Variants in RAB27A observed in about 807,000 individuals in gnomAD.
RAB27A encodes RAB27A, member RAS oncogene family, also known as ras-related protein Rab-27A.
RAB27A carries 17 observed loss-of-function variants against 20.8 expected under a neutral mutation model. That is an observed-to-expected ratio of 0.82 (90% CI 0.56 to 1.23). The LOEUF (loss-of-function observed/expected upper bound fraction) is 1.23, where lower values mean the gene tolerates loss of function less well. Ranked by LOEUF, RAB27A falls within the 50% of genes most tolerant of loss-of-function variation. The pLI is 0.00. For missense variants in RAB27A, 277 were observed against 266.7 expected (o/e 1.04, Z -0.27); for synonymous variants, 85 against 92.8 (o/e 0.92, Z 0.48).
At chr15:55,307,967 G>C (rs1169997097) in intron 2 of RAB27A, among the ~76,000 whole-genome samples, 1 of 152,062 alleles carries the variant, frequency 6.6e-6, no homozygotes, top group East Asian at 1.9e-4. Context: ...TTAGCTGCCA[G>C]CAAAAGTATT....
At chr15:55,239,429 C>G (rs909098244) in intron 2 of RAB27A, among the ~76,000 whole-genome samples, 6 of 152,144 alleles carry the variant, frequency 3.9e-5, no homozygotes, top group Non-Finnish European at 5.9e-5. Flanking sequence ...TTTTAAATTA[C>G]CTCATTTGTA....
intron 2 of RAB27A, chr15:55,260,130 T>C (rs1380078233): frequency 2.0e-5 from 3 of 152,236 alleles, no homozygotes; most frequent in Non-Finnish European, 2.9e-5. Flanking sequence ...CCTTTAAAAA[T>C]ATTCTCAAAT....
chr15:55,316,818 G>C (rs1442966176), intron 1 of RAB27A, among the ~76,000 whole-genome samples: 1 of 152,080 alleles, frequency 6.6e-6, no homozygotes, highest in Non-Finnish European at 1.5e-5. Flanking sequence ...ACCTCAATTT[G>C]ATCTGAGCCA....
At chr15:55,309,544 A>T (rs1166617179) in intron 2 of RAB27A, among the ~76,000 whole-genome samples, 1 of 152,248 alleles carries the variant, frequency 6.6e-6, no homozygotes, top group Non-Finnish European at 1.5e-5. Context: ...GATGGGAGCT[A>T]TCCCTGAACC....
At chr15:55,263,142 C>T (rs989645039) in intron 2 of RAB27A, among the ~76,000 whole-genome samples, 1 of 152,038 alleles carries the variant, frequency 6.6e-6, no homozygotes, top group African/African-American at 2.4e-5. Flanking sequence ...GGTTTCTGCT[C>T]TTTTCTCATA....
chr15:55,250,161 A>T (rs924691118), intron 2 of RAB27A, among the ~76,000 whole-genome samples: 5 of 152,034 alleles, frequency 3.3e-5, no homozygotes, highest in Admixed American at 6.5e-5. Flanking sequence ...ATGGCGTTTC[A>T]CTATGTTGGC....
chr15:55,214,366 G>T (rs1895179186), intron 6 of RAB27A, among the ~76,000 whole-genome samples: 1 of 152,194 alleles, frequency 6.6e-6, no homozygotes, highest in African/African-American at 2.4e-5. Flanking sequence ...AACCCAGGAG[G>T]TGGAGCTTGC....
intron 2 of RAB27A, among the ~76,000 whole-genome samples, chr15:55,236,566 C>A (rs1265674750): frequency 2.0e-5 from 3 of 152,170 alleles, no homozygotes; most frequent in Non-Finnish European, 4.4e-5. Context: ...TCATTTATAT[C>A]AGCAATACCT....
At chr15:55,276,904 G>T (rs1003890900) in intron 1 of RAB27A, among the ~76,000 whole-genome samples, 2 of 152,294 alleles carry the variant, frequency 1.3e-5, no homozygotes, top group Admixed American at 1.3e-4. Context: ...TGATGGTGGC[G>T]ATGGTTTCAT....
At chr15:55,286,125 C>G (rs903713880) in intron 1 of RAB27A, among the ~76,000 whole-genome samples, 1 of 152,204 alleles carries the variant, frequency 6.6e-6, no homozygotes, top group African/African-American at 2.4e-5. Context: ...ACATACCATC[C>G]TGGATGTGCC....
At chr15:55,214,210 G>A (rs1207699023) in intron 6 of RAB27A, among the ~76,000 whole-genome samples, 2 of 152,172 alleles carry the variant, frequency 1.3e-5, no homozygotes, top group African/African-American at 4.8e-5. Context: ...GCCAAGGCGG[G>A]CGGATCACGA....
intron 2 of RAB27A, among the ~76,000 whole-genome samples, chr15:55,250,491 G>A (rs1896848627): frequency 6.6e-6 from 1 of 152,150 alleles, no homozygotes; most frequent in Non-Finnish European, 1.5e-5. Flanking sequence ...GGATTAATTT[G>A]TCTATTGTGA....
chr15:55,252,942 G>T (rs954065216), intron 2 of RAB27A, among the ~76,000 whole-genome samples: 5 of 151,890 alleles, frequency 3.3e-5, no homozygotes, highest in Non-Finnish European at 4.4e-5. Flanking sequence ...AGACCAGCTG[G>T]CCAACATGGT....
chr15:55,280,911 T>G (rs1446243607), intron 1 of RAB27A, among the ~76,000 whole-genome samples: 2 of 152,194 alleles, frequency 1.3e-5, no homozygotes, highest in African/African-American at 4.8e-5. Context: ...CTATCATTGA[T>G]GGACATTTGT....
At chr15:55,229,059 T>C (rs193242644) in intron 4 of RAB27A, among the ~76,000 whole-genome samples, 2 of 152,336 alleles carry the variant, frequency 1.3e-5, no homozygotes, top group African/African-American at 4.8e-5. Context: ...TGTTCCATGA[T>C]CTTTTAATTT....
At chr15:55,255,246 T>C (rs1369228287) in intron 2 of RAB27A, among the ~76,000 whole-genome samples, 1 of 152,180 alleles carries the variant, frequency 6.6e-6, no homozygotes, top group Non-Finnish European at 1.5e-5. Flanking sequence ...CTCTATCCCT[T>C]CCACTCTCAC....
chr15:55,294,471 C>G (rs950656796), upstream of RAB27A, among the ~76,000 whole-genome samples: 10 of 151,046 alleles, frequency 6.6e-5, no homozygotes, highest in African/African-American at 2.2e-4. Flanking sequence ...ACCTGTAGTC[C>G]CAACTACTCG....
chr15:55,221,515 C>A (rs1895568762), intron 6 of RAB27A, among the ~76,000 whole-genome samples: 1 of 152,270 alleles, frequency 6.6e-6, no homozygotes, highest in East Asian at 1.9e-4. Flanking sequence ...ACTCTGTCAG[C>A]CTCCCCCTCA....
intron 1 of RAB27A, among the ~76,000 whole-genome samples, chr15:55,288,243 C>T (rs750467944): frequency 4.6e-5 from 7 of 151,978 alleles, no homozygotes; most frequent in East Asian, 3.9e-4. Flanking sequence ...AAAATAGGCT[C>T]GGTGCAGTGG....
Sources: allele counts gnomAD v4.1 joint callset (sites outside exome capture counted in the v4.1 genomes callset), GRCh38; gene constraint gnomAD v4.1.1; transcripts MANE v1.5; gene names NCBI Gene and HGNC (gene_info 2026-07-23, HGNC 2026-07-21).